MCMDC2: variants seen among roughly 807,000 people sequenced by gnomAD.
MCMDC2 encodes minichromosome maintenance domain-containing protein 2.
In MCMDC2, 54 loss-of-function variants were observed where a neutral mutation model predicts 75.8. That is an observed-to-expected ratio of 0.71 (90% CI 0.57 to 0.89). The LOEUF (loss-of-function observed/expected upper bound fraction) is 0.89. Among genes scored for constraint, MCMDC2 ranks in the 40% least tolerant of loss-of-function variants. MCMDC2 has a pLI of 0.00. For synonymous variants in MCMDC2, 249 were observed against 274.6 expected (o/e 0.91, Z 0.92); for missense variants, 656 against 780.4 (o/e 0.84, Z 1.90).
chr8:66,891,052 CT>C lies in MCMDC2; in HGVS notation c.1263del (p.Glu422AsnfsTer29), dbSNP rs781010973. 6.3e-7 allele frequency: 1 copy of C among 1,594,904 alleles called. No homozygotes were observed. The highest frequency in any genetic ancestry group is 8.5e-7 in the Non-Finnish European group (1 of 1,175,686). ...CTTGGCTTCACACAAAAAAGATAAA[CT>C]TGAACAGCTTCAAACAGGTAAACAA... ...GDLASHKKDKLEQLQTVLESR... is the reference protein window; with the variant it reads ...GDLASHKKDKXEQLQTVLESR... On this transcript the variant is annotated frameshift_variant, in exon 10 of 15. Transcript: ENST00000422365. LOFTEE classifies it high-confidence loss of function.
intron 14 of MCMDC2, among the ~76,000 whole-genome samples, chr8:66,911,606 C>T (rs908035295): frequency 6.7e-6 from 1 of 149,366 alleles, no homozygotes; most frequent in African/African-American, 2.6e-5. Flanking sequence ...GGCAGATCAC[C>T]CTAGATCAGG....
At chr8:66,883,406 T>C (rs185190106) in intron 8 of MCMDC2, among the ~76,000 whole-genome samples, 2 of 152,304 alleles carry the variant, frequency 1.3e-5, no homozygotes, top group Non-Finnish European at 1.5e-5. Flanking sequence ...AGCCAATCTA[T>C]GTGGACACAA....
Position 66,919,212 on chromosome 8 carries a change from GA to G in MCMDC2, c.*48del. The G allele has an allele frequency of 6.9e-7, 1 of 1,453,590 alleles. No homozygotes were observed. Among genetic ancestry groups the G allele is most frequent in the Non-Finnish European group, 9.3e-7 (1 of 1,080,428 alleles). 90.0% of individuals were successfully genotyped at this position (1,453,590 alleles called of 1,614,324 possible). A position where few individuals can be genotyped will look rare whatever the true frequency, so the allele number is the denominator to read the frequency against. ...TGTTCATTCCTACTTAAGCAGTGGA[GA>G]AAAAGTGTGACTATTTTGAGAGTGA... On this transcript the variant is annotated 3_prime_UTR_variant, in exon 15 of 15. Transcript: ENST00000422365.
intron 12 of MCMDC2, among the ~76,000 whole-genome samples, chr8:66,898,342 T>C (rs77013785): frequency 0.13 from 19,567 of 152,068 alleles, 2,396 homozygotes; most frequent in African/African-American, 0.32. Context: ...AAACAAGATA[T>C]AGGCCAGGCA....
chr8:66,911,305 C>T (rs1041510843), intron 14 of MCMDC2, among the ~76,000 whole-genome samples: 1 of 152,156 alleles, frequency 6.6e-6, no homozygotes, highest in African/African-American at 2.4e-5. Context: ...GGCTCTTTCC[C>T]CTTCACTTGG....
intron 4 of MCMDC2, among the ~76,000 whole-genome samples, chr8:66,875,968 C>T (rs933181277): frequency 1.3e-5 from 2 of 152,158 alleles, no homozygotes; most frequent in African/African-American, 4.8e-5. Flanking sequence ...ATTCAAATCA[C>T]TTGACAAGAA....
intron 13 of MCMDC2, among the ~76,000 whole-genome samples, chr8:66,904,536 TCATA>T (rs1234934044): frequency 6.6e-6 from 1 of 152,128 alleles, no homozygotes; most frequent in Non-Finnish European, 1.5e-5. Flanking sequence ...TCAAAAAATC[TCATA>T]CATTAAATGA....
chr8:66,908,854 C>A (rs1027251361), intron 14 of MCMDC2, among the ~76,000 whole-genome samples: 1 of 152,176 alleles, frequency 6.6e-6, no homozygotes, highest in East Asian at 1.9e-4. Flanking sequence ...CTCAAGTGAT[C>A]CACCTTCCTT....
intron 14 of MCMDC2, among the ~76,000 whole-genome samples, chr8:66,911,353 T>A (rs1420713700): frequency 6.6e-6 from 1 of 152,210 alleles, no homozygotes; most frequent in Non-Finnish European, 1.5e-5. Flanking sequence ...GAAGGTGCCT[T>A]GCTTCCCCTT....
intron 13 of MCMDC2, among the ~76,000 whole-genome samples, chr8:66,904,109 T>C (rs1812811724): frequency 6.6e-6 from 1 of 152,092 alleles, no homozygotes; most frequent in African/African-American, 2.4e-5. Flanking sequence ...AGAGTTGGGG[T>C]CATATTAATA....
intron 12 of MCMDC2, among the ~76,000 whole-genome samples, chr8:66,897,694 A>G (rs964831256): frequency 3.9e-5 from 6 of 152,234 alleles, no homozygotes; most frequent in Non-Finnish European, 7.3e-5. Flanking sequence ...TAGGGGATAT[A>G]TAGCATGATT....
chr8:66,891,463 A>T (rs555817257), intron 10 of MCMDC2, among the ~76,000 whole-genome samples: 63 of 152,112 alleles, frequency 4.1e-4, no homozygotes, highest in Non-Finnish European at 7.9e-4. Context: ...TTTTGTAGAC[A>T]TTCTTTATCC....
In MCMDC2 at chr8:66,879,049, A is replaced by T. The variant is rs539116229; in HGVS notation, c.709+130A>T. 9.9e-5 allele frequency: 65 copies of T among 656,240 alleles called. No homozygotes were observed. In the African/African-American group the frequency reaches 1.1e-3, roughly 11 times the overall value. The allele number at this position is 656,240 out of a possible 1,614,324, so 40.7% of individuals were successfully genotyped here. Reference sequence around the variant, plus strand: ...GGTGGGAGGATCACTTGAGGCCAGGAGTTTGAGACTAGCTTAAGCAATATA... The same window carrying T: ...GGTGGGAGGATCACTTGAGGCCAGGTGTTTGAGACTAGCTTAAGCAATATA... On this transcript the variant is annotated intron_variant, in intron 7 of 14. Transcript: ENST00000422365.
At chr8:66,903,220 CATTT>C (rs1812778301) in intron 13 of MCMDC2, among the ~76,000 whole-genome samples, 1 of 151,676 alleles carries the variant, frequency 6.6e-6, no homozygotes. Flanking sequence ...CATTTTGAAA[CATTT>C]ATCAAAGAGT....
At chr8:66,881,690 G>GA (rs903089157) in intron 8 of MCMDC2, among the ~76,000 whole-genome samples, 7 of 149,574 alleles carry the variant, frequency 4.7e-5, no homozygotes, top group African/African-American at 7.4e-5. Context: ...TCAAAAAAAA[G>GA]AAAAAAAAAT....
intron 14 of MCMDC2, among the ~76,000 whole-genome samples, chr8:66,911,244 T>C (rs942441222): frequency 3.3e-5 from 5 of 152,094 alleles, no homozygotes; most frequent in African/African-American, 4.8e-5. Flanking sequence ...ATGGGGGTGA[T>C]GTTCTTGTGG....
At chr8:66,907,105 C>T (rs1351825345) in intron 14 of MCMDC2, among the ~76,000 whole-genome samples, 2 of 151,824 alleles carry the variant, frequency 1.3e-5, no homozygotes, top group African/African-American at 2.4e-5. Context: ...GTTAAGTGTG[C>T]AGAACATGCA....
At chr8:66,909,134 G>A (rs1392372397) in intron 14 of MCMDC2, among the ~76,000 whole-genome samples, 2 of 152,122 alleles carry the variant, frequency 1.3e-5, no homozygotes, top group African/African-American at 4.8e-5. Flanking sequence ...CCTTCGCTTG[G>A]CAGTTCTCCT....
intron 12 of MCMDC2, among the ~76,000 whole-genome samples, chr8:66,899,254 T>G (rs1812509125): frequency 6.6e-6 from 1 of 152,226 alleles, no homozygotes; most frequent in Non-Finnish European, 1.5e-5. Flanking sequence ...TGATGTGGAC[T>G]GTCCTGAGGC....
Sources: allele counts gnomAD v4.1 joint callset (sites outside exome capture counted in the v4.1 genomes callset), GRCh38; gene constraint gnomAD v4.1.1; transcripts MANE v1.5; gene names NCBI Gene and HGNC (gene_info 2026-07-23, HGNC 2026-07-21).